The following CSMD1 variants were observed in gnomAD, a reference collection of about 807,000 sequenced individuals.
The protein encoded by CSMD1 is CUB and Sushi multiple domains 1.
A neutral mutation model predicts 417.5 loss-of-function variants in CSMD1; 213 were observed. The ratio of observed to expected loss-of-function variants is 0.51; its 90% confidence interval spans 0.46 to 0.57. The LOEUF (loss-of-function observed/expected upper bound fraction) is 0.57, where lower values mean the gene tolerates loss of function less well. Ranked by LOEUF, CSMD1 falls within the 20% of genes least tolerant of loss-of-function variation. The probability of loss-of-function intolerance (pLI) is 0.00; values close to 1 mark genes in which losing one functional copy is unlikely to be tolerated. For synonymous variants in CSMD1, 2,862 were observed against 1,736.8 expected, an observed-to-expected ratio of 1.65 and a Z score of -16.11; for missense variants, 6,923 against 4,529.7, an observed-to-expected ratio of 1.53 and a Z score of -15.17.
At chr8:3,808,050 G>A (rs1053353475) in intron 5 of CSMD1, among the ~76,000 whole-genome samples, 1 of 152,094 alleles carries the variant, frequency 6.6e-6, no homozygotes, top group African/African-American at 2.4e-5. Flanking sequence ...CTTTTCTACA[G>A]AAGTTACAGC....
chr8:4,534,431 G>C (rs949884689), intron 2 of CSMD1, among the ~76,000 whole-genome samples: 1 of 152,150 alleles, frequency 6.6e-6, no homozygotes, highest in Non-Finnish European at 1.5e-5. Flanking sequence ...TCTTGCCAGA[G>C]TATTTACAAC....
At chr8:4,433,193 G>A (rs537981018) in intron 2 of CSMD1, among the ~76,000 whole-genome samples, 3 of 152,022 alleles carry the variant, frequency 2.0e-5, no homozygotes, top group Non-Finnish European at 4.4e-5. Context: ...TAACTATTTC[G>A]TTGTGTATTA....
rs572362670 is a variant in CSMD1, at chr8:3,479,766, C to G, written c.1449-10942G>C. ...CACGGCTTGAATGATGAAAGACAAT[C>G]AACCAACCCCAACAGAAATGAATCA... On this transcript the variant is annotated intron_variant, in intron 11 of 69. Coordinates refer to ENST00000635120, the MANE Select transcript of CSMD1 (RefSeq NM_033225.6). 2.6e-5 allele frequency among the ~76,000 whole-genome samples: 4 copies of G among 152,094 alleles called. No homozygotes were observed. The East Asian group carries it at 7.7e-4, about 29-fold the overall frequency.
At chr8:3,021,132 G>A (rs984348302) in intron 51 of CSMD1, among the ~76,000 whole-genome samples, 5 of 152,116 alleles carry the variant, frequency 3.3e-5, no homozygotes, top group African/African-American at 9.7e-5. Context: ...GCGCACCTTC[G>A]CCTTCAATGG....
At chr8:4,414,352 C>T (rs944669199) in intron 3 of CSMD1, among the ~76,000 whole-genome samples, 9 of 152,158 alleles carry the variant, frequency 5.9e-5, no homozygotes, top group African/African-American at 1.4e-4. Flanking sequence ...TCTAGCAGCC[C>T]AGATTCACTT....
chr8:4,721,690 C>A (rs1337553114), intron 1 of CSMD1, among the ~76,000 whole-genome samples: 1 of 152,104 alleles, frequency 6.6e-6, no homozygotes, highest in East Asian at 1.9e-4. Context: ...TATAACCCAG[C>A]AATCCCCCTG....
chr8:3,907,914 A>G (rs1313222379), intron 5 of CSMD1, among the ~76,000 whole-genome samples: 1 of 152,176 alleles, frequency 6.6e-6, no homozygotes, highest in Non-Finnish European at 1.5e-5. Flanking sequence ...TGTCCTCTGG[A>G]AACAACATGC....
At chr8:3,774,293 G>C (rs1051308544) in intron 5 of CSMD1, among the ~76,000 whole-genome samples, 1 of 152,124 alleles carries the variant, frequency 6.6e-6, no homozygotes, top group African/African-American at 2.4e-5. Context: ...ATTCCAATGT[G>C]TTCCCAGAGC....
chr8:4,348,951 G>C (rs1389755144), intron 3 of CSMD1, among the ~76,000 whole-genome samples: 1 of 152,078 alleles, frequency 6.6e-6, no homozygotes, highest in Non-Finnish European at 1.5e-5. Flanking sequence ...AGTGCCCTCA[G>C]AATACTCTTG....
Position 3,029,460 on chromosome 8 carries a change from G to C in CSMD1, c.7714C>G (p.Leu2572Val). Residue 2572 changes from leucine (L) to valine (V), a missense_variant, in exon 51 of 70, where the codon CTG becomes GTG. Leu to Val is a conservative substitution (Grantham distance 32). Coordinates refer to ENST00000635120, the MANE Select transcript of CSMD1 (RefSeq NM_033225.6). ...AQLSEHVIWR[L>V]VSGSLNEYGA... ...TACTCATTCAAGGATCCTGAAACCA[G>C]CCTCCAGATGACATGTTCTGAGAGC... 1.9e-6 allele frequency: 3 copies of C among 1,607,482 alleles called. No homozygotes were observed. The highest frequency in any genetic ancestry group is 1.7e-6 in the Non-Finnish European group (2 of 1,177,164).
chr8:4,118,901 C>T (rs993899202), intron 3 of CSMD1, among the ~76,000 whole-genome samples: 1 of 152,194 alleles, frequency 6.6e-6, no homozygotes, highest in Non-Finnish European at 1.5e-5. Context: ...CCATGGAATA[C>T]TATGCAGCCA....
chr8:4,420,743 G>A (rs570589841), intron 2 of CSMD1, among the ~76,000 whole-genome samples: 46 of 152,152 alleles, frequency 3.0e-4, no homozygotes, highest in African/African-American at 9.6e-4. Context: ...CGTCTAGAGG[G>A]CAAACCAATG....
chr8:4,826,800 A>C (rs1040628622), intron 1 of CSMD1, among the ~76,000 whole-genome samples: 6 of 152,154 alleles, frequency 3.9e-5, no homozygotes, highest in African/African-American at 1.4e-4. Context: ...TACAGGCTTA[A>C]TGTACTTTTA....
chr8:3,205,591 C>G lies in CSMD1; in HGVS notation c.4897G>C (p.Glu1633Gln). The G allele has an allele frequency of 6.3e-7, 1 of 1,589,200 alleles. No homozygotes were observed. Among genetic ancestry groups the G allele is most frequent in the Non-Finnish European group, 8.6e-7 (1 of 1,164,726 alleles). Reference sequence around the variant, plus strand: ...TAGTTTGGTGATAAAACTACCCCTTCTGATCCCGTGTACTGGCCTCCACAG... The same window carrying G: ...TAGTTTGGTGATAAAACTACCCCTTGTGATCCCGTGTACTGGCCTCCACAG... ...APCGGQYTGS[E>Q]GVVLSPNYPH... Residue 1633 changes from glutamate to glutamine, a missense_variant, in exon 31 of 70, where the codon GAA becomes CAA. Physicochemically the swap from Glu to Gln is conservative, Grantham distance 29. Coordinates refer to ENST00000635120, the MANE Select transcript of CSMD1 (RefSeq NM_033225.6).
intron 2 of CSMD1, among the ~76,000 whole-genome samples, chr8:4,493,414 G>C (rs1312373367): frequency 6.6e-6 from 1 of 152,118 alleles, no homozygotes; most frequent in African/African-American, 2.4e-5. Flanking sequence ...AGCTACTGAT[G>C]GTCGGGACTG....
At chr8:4,295,686 ATGT>A (rs1484909321) in intron 3 of CSMD1, among the ~76,000 whole-genome samples, 237 of 142,518 alleles carry the variant, frequency 1.7e-3, no homozygotes, top group Middle Eastern at 7.8e-3. Flanking sequence ...TATATTATAC[ATGT>A]TATATATGTT....
chr8:3,461,542 TG>T (rs1187831537), intron 12 of CSMD1, among the ~76,000 whole-genome samples: 14 of 152,182 alleles, frequency 9.2e-5, no homozygotes, highest in Admixed American at 3.3e-4. Context: ...AATTAGGCAA[TG>T]TGGTTGTAGA....
At chr8:3,671,583 A>G (rs28581253) in intron 7 of CSMD1, among the ~76,000 whole-genome samples, 8,813 of 111,784 alleles carry the variant, frequency 0.079, 1,118 homozygotes, top group Non-Finnish European at 0.097. Context: ...ATATATATAT[A>G]TATATATATA....
intron 1 of CSMD1, among the ~76,000 whole-genome samples, chr8:4,782,848 A>AT (rs947433770): frequency 1.3e-5 from 2 of 151,700 alleles, no homozygotes; most frequent in African/African-American, 2.4e-5. Flanking sequence ...AACTCAAGCT[A>AT]TTTTTTTCAA....
Sources: allele counts gnomAD v4.1 joint callset (sites outside exome capture counted in the v4.1 genomes callset), GRCh38; gene constraint gnomAD v4.1.1; transcripts MANE v1.5; gene names NCBI Gene and HGNC (gene_info 2026-07-23, HGNC 2026-07-21).